The following EFR3B variants were observed in gnomAD, a reference collection of about 807,000 sequenced individuals.
EFR3B encodes the protein protein EFR3 homolog B.
Under a neutral mutation model 104.7 loss-of-function variants are expected in EFR3B, and 64 were observed. That is an observed-to-expected ratio of 0.61 (90% CI 0.50 to 0.75). EFR3B has a LOEUF of 0.75. Ranked by LOEUF, EFR3B falls within the 30% of genes least tolerant of loss-of-function variation. The probability of loss-of-function intolerance (pLI) is 0.00; values close to 1 mark genes in which losing one functional copy is unlikely to be tolerated. For synonymous variants in EFR3B, 385 were observed against 417.9 expected (o/e 0.92, Z 0.96); for missense variants, 750 against 1,078.5 (o/e 0.70, Z 4.27).
At chr2:25,082,367 C>T (rs1668832992) in intron 1 of EFR3B, among the ~76,000 whole-genome samples, 1 of 152,162 alleles carries the variant, frequency 6.6e-6, no homozygotes, top group Non-Finnish European at 1.5e-5. Flanking sequence ...GACCCAGGCT[C>T]CCTGATGCCC....
At chr2:25,132,791 C>T in intron 10 of EFR3B, 112 bp from the exon 11 acceptor site, 3 of 855,522 alleles carry the variant, frequency 3.5e-6, no homozygotes, top group Non-Finnish European at 5.6e-6. Flanking sequence ...TTCTCTGGTC[C>T]TGGATTGACT....
rs1452833750 is a variant in EFR3B, at chr2:25,106,875, C to T, written c.363+3088C>T. ...CTGAGATTACAGGTGTGAGCTACCA[C>T]GCCCGGTCCTTTCCATTGTTTGTAT... On this transcript the variant is annotated intron_variant, in intron 4 of 22. Transcript: ENST00000403714. Among the ~76,000 whole-genome samples the T allele has an allele frequency of 2.6e-5, 4 of 152,320 alleles. No individual in the cohort carries two copies. In the East Asian group the frequency reaches 5.8e-4, roughly 22 times the overall value.
chr2:25,125,799 A>AAT (rs1344330337), intron 5 of EFR3B, among the ~76,000 whole-genome samples: 1 of 152,126 alleles, frequency 6.6e-6, no homozygotes, highest in Non-Finnish European at 1.5e-5. Flanking sequence ...ATACAAAAAA[A>AAT]TAGCCAGGCG....
chr2:25,107,869 G>T (rs1289443456), intron 4 of EFR3B, among the ~76,000 whole-genome samples: 13 of 150,806 alleles, frequency 8.6e-5, no homozygotes, highest in African/African-American at 3.2e-4. Context: ...TTTGAGATGG[G>T]GTCTCCCTCT....
intron 1 of EFR3B, chr2:25,081,363 C>T (rs184423285): frequency 2.1e-6 from 2 of 963,054 alleles, no homozygotes; most frequent in Non-Finnish European, 3.3e-6. Context: ...AGAGAACTTG[C>T]CAGCAGTACT....
intron 1 of EFR3B, among the ~76,000 whole-genome samples, chr2:25,066,266 C>A (rs1668334874): frequency 6.6e-6 from 1 of 152,160 alleles, no homozygotes; most frequent in African/African-American, 2.4e-5. Flanking sequence ...CTTGCTCCAT[C>A]CATTTATCCA....
chr2:25,154,357 C>G lies in EFR3B; in HGVS notation c.*17C>G. 6.5e-7 allele frequency: 1 copy of G among 1,549,548 alleles called. No individual in the cohort carries two copies. On this transcript the variant is annotated 3_prime_UTR_variant, in exon 23 of 23. Transcript: ENST00000403714. The surrounding 1 kb of genome is among the most constrained non-coding windows in gnomAD (Gnocchi z 4.1). ...GTATACTGAATTCCAAGAGCCTGAG[C>G]TCCTCAAGGAGATGGGGTCTGAGGA...
chr2:25,132,864 C>T, intron 10 of EFR3B, 39 bp from the exon 11 acceptor site: 1 of 1,510,650 alleles, frequency 6.6e-7, no homozygotes, highest in Non-Finnish European at 9.0e-7. Context: ...GCCCTGGAGC[C>T]TGTGCCTCAC....
intron 5 of EFR3B, among the ~76,000 whole-genome samples, chr2:25,127,793 TG>T (rs910748230): frequency 6.6e-6 from 1 of 152,188 alleles, no homozygotes; most frequent in Non-Finnish European, 1.5e-5. Context: ...CGCCTCCCCC[TG>T]CCCCCGCAAG....
Position 25,135,651 on chromosome 2 carries a change from G to T in EFR3B, c.1484+12G>T. On this transcript the variant is annotated intron_variant, in intron 13 of 22. Coordinates refer to ENST00000403714, the MANE Select transcript of EFR3B (RefSeq NM_014971.2). ...TTCTCTACCATCAGGTGAACTTGGG[G>T]TGTCTCCTCCAGGCAATGCAAGATG... The T allele has an allele frequency of 6.4e-7, 1 of 1,551,978 alleles. No individual in the cohort carries two copies. Among genetic ancestry groups the T allele is most frequent in the South Asian group, 1.2e-5 (1 of 84,052 alleles).
intron 1 of EFR3B, among the ~76,000 whole-genome samples, chr2:25,061,936 A>C (rs1668210302): frequency 6.6e-6 from 1 of 152,088 alleles, no homozygotes; most frequent in Middle Eastern, 3.4e-3. Context: ...GATGATTTAA[A>C]TTTTCTTTTA....
At chr2:25,093,642 C>T (rs541266756) in intron 3 of EFR3B, among the ~76,000 whole-genome samples, 1 of 152,218 alleles carries the variant, frequency 6.6e-6, no homozygotes, top group South Asian at 2.1e-4. Context: ...AGGGTGTTGG[C>T]TTCCTACAAG....
chr2:25,069,647 A>C (rs1225170756), intron 1 of EFR3B, among the ~76,000 whole-genome samples: 1 of 152,200 alleles, frequency 6.6e-6, no homozygotes, highest in East Asian at 1.9e-4. Flanking sequence ...ACCACTTTTA[A>C]TTATATGCAG....
intron 5 of EFR3B, among the ~76,000 whole-genome samples, chr2:25,126,533 T>A (rs1670173593): frequency 6.6e-6 from 1 of 152,110 alleles, no homozygotes; most frequent in Non-Finnish European, 1.5e-5. Flanking sequence ...CTAATTTTTG[T>A]ATTGTTAGTA....
chr2:25,042,339 C>T lies in EFR3B; in HGVS notation c.7+20C>T. The T allele has an allele frequency of 7.9e-7, 1 of 1,258,992 alleles. No homozygotes were observed. 78.0% of individuals were successfully genotyped at this position (1,258,992 alleles called of 1,614,324 possible). ...TGTACGGTAAGGAGGGCTCCGCGCC[C>T]GGGCCCGGGCCCGCGGGGGCGACTC... On this transcript the variant is annotated intron_variant, in intron 1 of 22. Transcript: ENST00000403714. The surrounding 1 kb of genome is among the most constrained non-coding windows in gnomAD (Gnocchi z 5.4).
chr2:25,073,291 G>A (rs1020409270), intron 1 of EFR3B, among the ~76,000 whole-genome samples: 1 of 151,720 alleles, frequency 6.6e-6, no homozygotes, highest in African/African-American at 2.4e-5. Context: ...CAGTTTTGCT[G>A]TATTCCAAGG....
intron 21 of EFR3B, among the ~76,000 whole-genome samples, chr2:25,152,250 C>A (rs1304657875): frequency 6.6e-6 from 1 of 151,692 alleles, no homozygotes; most frequent in Non-Finnish European, 1.5e-5. Context: ...AACCAAAAGA[C>A]TTGGGTGTTT....
Position 25,136,486 on chromosome 2 carries a change from T to C in EFR3B, c.1485-37T>C, listed in dbSNP as rs376404370. On this transcript the variant is annotated intron_variant, in intron 13 of 22. Transcript: ENST00000403714. This position sits in a 1 kb window ranked among gnomAD's most constrained non-coding sequence, Gnocchi z 4.0. ...CCCGTGTGAGCTCAGGCTGGCCTCA[T>C]GCAAGGGCTAAGGAGGCCCTTTGCA... The C allele has an allele frequency of 2.6e-5, 40 of 1,532,126 alleles. No homozygotes were observed. The African/African-American group carries it at 5.1e-4, about 20-fold the overall frequency. The allele number at this position is 1,532,126 out of a possible 1,614,324, so 94.9% of individuals were successfully genotyped here. A position where few individuals can be genotyped will look rare whatever the true frequency, so the allele number is the denominator to read the frequency against.
At position 25,139,034 on chromosome 2, in the gene EFR3B, G is replaced by A. The variant is rs371845092; in HGVS notation, c.1723-25G>A. On this transcript the variant is annotated intron_variant, in intron 15 of 22. Transcript: ENST00000403714. The stretch of plus-strand genomic sequence containing the variant: ...GTGTAGTCTGTCAGTGAAAAACTCC[G>A]GAGGCCTTGTCTATGTTGCCGCAGG... 1.9e-4 allele frequency: 297 copies of A among 1,551,340 alleles called. 1 individual carries two copies. The South Asian group carries it at 2.8e-3, about 14-fold the overall frequency.
Sources: gnomAD v4.1 joint callset for allele counts (sites outside exome capture counted in the v4.1 genomes callset) on GRCh38, gnomAD v4.1.1 for gene constraint, Gnocchi (gnomAD v3.1) non-coding constraint, MANE v1.5 for transcripts, NCBI Gene and HGNC (gene_info 2026-07-23, HGNC 2026-07-21) for gene names.